ESR1: variants seen among roughly 807,000 people sequenced by gnomAD.
The protein encoded by ESR1 is estrogen receptor.
In ESR1, 12 loss-of-function variants were observed where a neutral mutation model predicts 52.7. The ratio of observed to expected loss-of-function variants is 0.23; its 90% confidence interval spans 0.15 to 0.37. The LOEUF is 0.37. ESR1 is among the 10% of genes least tolerant of loss of function. The probability of loss-of-function intolerance (pLI) is 1.00; values close to 1 mark genes in which losing one functional copy is unlikely to be tolerated. For synonymous variants in ESR1, 305 were observed against 316.8 expected, an observed-to-expected ratio of 0.96 and a Z score of 0.39; for missense variants, 584 against 779.7, an observed-to-expected ratio of 0.75 and a Z score of 2.99.
chr6:151,837,819 T>C (rs967797759), intron 1 of ESR1, among the ~76,000 whole-genome samples: 2 of 152,114 alleles, frequency 1.3e-5, no homozygotes, highest in Admixed American at 1.3e-4. Flanking sequence ...AAAAGAAGAA[T>C]TTTACAAGGA....
chr6:152,122,768 C>G lies in ESR1; in HGVS notation c.851-2498C>G, dbSNP rs942974890. On this transcript the variant is annotated intron_variant, in intron 6 of 6. Transcript: ENST00000427531. ...CTGCACCTTCCTGGAAGCTAAAGGG[C>G]CATGCCAAGCACACCCCAGCCTGGC... 3 of 1,588,790 alleles carry G rather than the reference C, an allele frequency of 1.9e-6. No individual in the cohort carries two copies. The African/African-American group carries it at 4.0e-5, about 21-fold the overall frequency.
chr6:151,797,407 G>T (rs997918576), intron 2 of ESR1, among the ~76,000 whole-genome samples: 4 of 152,216 alleles, frequency 2.6e-5, no homozygotes, highest in African/African-American at 9.7e-5. Context: ...ATGGAAATGG[G>T]ACTGTTAGAC....
chr6:151,896,079 G>C (rs369294369), intron 3 of ESR1, among the ~76,000 whole-genome samples: 3 of 152,184 alleles, frequency 2.0e-5, no homozygotes, highest in Non-Finnish European at 4.4e-5. Context: ...GATTACAGGC[G>C]TGAGCCACAG....
intron 5 of ESR1, among the ~76,000 whole-genome samples, chr6:152,020,530 A>G (rs1023058807): frequency 6.6e-6 from 1 of 150,598 alleles, no homozygotes; most frequent in Admixed American, 6.6e-5. Context: ...GGCTCACTTC[A>G]ATTTCCGCCT....
At chr6:152,059,726 T>C (rs1182697968) in intron 5 of ESR1, among the ~76,000 whole-genome samples, 2 of 152,176 alleles carry the variant, frequency 1.3e-5, no homozygotes, top group Non-Finnish European at 2.9e-5. Context: ...ATTTATTCTA[T>C]AGCTATCTGT....
Position 151,787,849 on chromosome 6 carries a change from C to T in ESR1, c.-70-19994C>T, listed in dbSNP as rs1049483888. ...GGATGTGCTATATTTCTTTCTCTTG[C>T]CTGATTGCTCTGGCCAGGACTTCTA... On this transcript the variant is annotated intron_variant, in intron 2 of 2. Coordinates refer to the ESR1 transcript ENST00000404742. 2.0e-5 allele frequency among the ~76,000 whole-genome samples: 3 copies of T among 152,088 alleles called. No individual in the cohort carries two copies. In the East Asian group the frequency reaches 5.8e-4, roughly 29 times the overall value.
chr6:152,001,615 A>G (rs1012181029), intron 4 of ESR1, among the ~76,000 whole-genome samples: 1 of 152,038 alleles, frequency 6.6e-6, no homozygotes, highest in Non-Finnish European at 1.5e-5. Flanking sequence ...ACCTGGCAAG[A>G]TCTACTGTGC....
intron 2 of ESR1, among the ~76,000 whole-genome samples, chr6:151,877,180 A>G (rs182399124): frequency 6.6e-6 from 1 of 152,246 alleles, no homozygotes. Context: ...TTACATATGT[A>G]TACATGTGCC....
At chr6:151,780,357 T>TA (rs1562400110) in intron 2 of ESR1, among the ~76,000 whole-genome samples, 2 of 150,164 alleles carry the variant, frequency 1.3e-5, no homozygotes, top group Admixed American at 6.6e-5. Context: ...TAAGGTATAA[T>TA]AAAAAAGAAA....
chr6:151,980,109 T>G (rs1319687457), intron 4 of ESR1, among the ~76,000 whole-genome samples: 3 of 152,228 alleles, frequency 2.0e-5, no homozygotes, highest in African/African-American at 7.2e-5. Context: ...TTCAAAAAGA[T>G]TCTTAGGGAA....
chr6:152,024,311 C>A (rs558181920), intron 5 of ESR1, among the ~76,000 whole-genome samples: 21 of 152,130 alleles, frequency 1.4e-4, no homozygotes, highest in Non-Finnish European at 3.1e-4. Flanking sequence ...GCCATGCTAT[C>A]CCACCAAATA....
chr6:151,857,972 A>C (rs1302390048), intron 2 of ESR1, among the ~76,000 whole-genome samples: 1 of 152,206 alleles, frequency 6.6e-6, no homozygotes, highest in African/African-American at 2.4e-5. Context: ...CTTCTGTAAT[A>C]AAAACTTCAT....
intron 4 of ESR1, among the ~76,000 whole-genome samples, chr6:151,992,992 A>G (rs1224038314): frequency 1.3e-5 from 2 of 152,112 alleles, no homozygotes; most frequent in African/African-American, 4.8e-5. Flanking sequence ...TTGAATTGCA[A>G]AAAGTTGATG....
chr6:151,661,935 AAACCTCTTTTCTT>A (rs1333596115), intron 1 of ESR1, among the ~76,000 whole-genome samples: 3 of 152,204 alleles, frequency 2.0e-5, no homozygotes, highest in African/African-American at 7.2e-5. Flanking sequence ...TGAGTCAATT[AAACCTCTTTTCTT>A]TATAAATTAC....
At chr6:152,026,970 C>CTT (rs34385133) in intron 5 of ESR1, among the ~76,000 whole-genome samples, 1 of 145,760 alleles carries the variant, frequency 6.9e-6, no homozygotes. Flanking sequence ...ATTCTTTTCT[C>CTT]TTTTTTTTTT....
At chr6:151,672,495 C>G (rs1011369744) in intron 1 of ESR1, among the ~76,000 whole-genome samples, 3 of 152,110 alleles carry the variant, frequency 2.0e-5, no homozygotes, top group Non-Finnish European at 4.4e-5. Flanking sequence ...TGCCACCGTG[C>G]CCAGCTAATT....
intron 6 of ESR1, among the ~76,000 whole-genome samples, chr6:152,062,237 T>C (rs1189455531): frequency 6.6e-6 from 1 of 152,162 alleles, no homozygotes; most frequent in Non-Finnish European, 1.5e-5. Context: ...CCACCACTGC[T>C]AGGAACCTGT....
At chr6:151,992,147 G>A (rs2128717488) in intron 4 of ESR1, among the ~76,000 whole-genome samples, 1 of 152,238 alleles carries the variant, frequency 6.6e-6, no homozygotes. Context: ...CCCTAAAAAT[G>A]TATTGTGATA....
intron 5 of ESR1, 81 bp downstream of exon 5, chr6:152,011,875 C>T (rs779915670): frequency 1.4e-5 from 21 of 1,485,132 alleles, no homozygotes; most frequent in Admixed American, 3.5e-5. Flanking sequence ...ATTCATCTCT[C>T]GGTGAAGCTT....
Sources: allele counts gnomAD v4.1 joint callset (sites outside exome capture counted in the v4.1 genomes callset), GRCh38; gene constraint gnomAD v4.1.1; transcripts MANE v1.5; gene names NCBI Gene and HGNC (gene_info 2026-07-23, HGNC 2026-07-21).